THOC2: variants seen among roughly 807,000 people sequenced by gnomAD.
THOC2 encodes the protein THO complex subunit 2.
In THOC2, 10 loss-of-function variants were observed where a neutral mutation model predicts 128.4. That is an observed-to-expected ratio of 0.08 (90% CI 0.05 to 0.13). THOC2 has a LOEUF of 0.13. Ranked by LOEUF, THOC2 falls within the 10% of genes least tolerant of loss-of-function variation. The pLI is 1.00. For missense variants in THOC2, 535 were observed against 1,155.7 expected (o/e 0.46, Z 7.79); for synonymous variants, 393 against 396.9 (o/e 0.99, Z 0.12).
chrX:123,709,642 G>A lies in THOC2; in HGVS notation c.131-2693C>T, dbSNP rs753454972. On this transcript the variant is annotated intron_variant, in intron 2 of 38. Coordinates refer to ENST00000245838, the MANE Select transcript of THOC2 (RefSeq NM_001081550.2). Reference sequence around the variant, plus strand: ...TTCTAGAGATTCTTAGTTTTTGCGGGGTTTGAATGTTGAAGACACCAGTTC... The same window carrying A: ...TTCTAGAGATTCTTAGTTTTTGCGGAGTTTGAATGTTGAAGACACCAGTTC... 7.2e-5 allele frequency among the ~76,000 whole-genome samples: 8 copies of A among 111,335 alleles called. No individual in the cohort carries two copies. The South Asian group carries it at 2.3e-3, about 32-fold the overall frequency.
chrX:123,676,923 T>C (rs1442453328), intron 8 of THOC2, among the ~76,000 whole-genome samples: 1 of 111,667 alleles, frequency 9.0e-6, no homozygotes, highest in African/African-American at 3.3e-5. Flanking sequence ...AATGGGCCCT[T>C]AATGCTGCTG....
chrX:123,666,488 C>T (rs1056795073), intron 11 of THOC2, among the ~76,000 whole-genome samples: 1 of 111,483 alleles, frequency 9.0e-6, no homozygotes, highest in Admixed American at 9.5e-5. Flanking sequence ...CGGCAGCAAC[C>T]AGCAGCTACA....
chrX:123,684,450 C>T (rs960954812), intron 8 of THOC2, among the ~76,000 whole-genome samples: 1 of 111,891 alleles, frequency 8.9e-6, no homozygotes, highest in Admixed American at 9.5e-5. Flanking sequence ...GTGGCATGAT[C>T]TCGGCTCACA....
At chrX:123,628,530 C>T (rs1023124209) in intron 22 of THOC2, among the ~76,000 whole-genome samples, 3 of 109,782 alleles carry the variant, frequency 2.7e-5, no homozygotes, top group African/African-American at 9.9e-5. Context: ...ACCAGCCTGG[C>T]CAGCATGTCA....
intron 8 of THOC2, among the ~76,000 whole-genome samples, chrX:123,677,761 T>C (rs1170164289): frequency 9.2e-6 from 1 of 108,891 alleles, no homozygotes; most frequent in African/African-American, 3.4e-5. Context: ...TCCCAGCTAC[T>C]TGGGAGGCTG....
At chrX:123,701,670 T>C (rs974715172) in intron 4 of THOC2, among the ~76,000 whole-genome samples, 3 of 108,139 alleles carry the variant, frequency 2.8e-5, no homozygotes, top group Non-Finnish European at 5.7e-5. Flanking sequence ...AACTGAAATT[T>C]GTTTCATGAT....
Position 123,671,683 on chromosome X carries a change from C to A in THOC2, c.847G>T (p.Asp283Tyr). 8.7e-7 allele frequency: 1 copy of A among 1,152,152 alleles called. No homozygotes were observed. The highest frequency in any genetic ancestry group is 2.0e-5 in the South Asian group (1 of 49,231). 95.0% of individuals were successfully genotyped at this position (1,152,152 alleles called of 1,213,427 possible). Reference sequence around the variant, plus strand: ...ACTTGACTTACATGTACATAAAGATCATCTAAATCAATAAGATTAAATTGT... The same window carrying A: ...ACTTGACTTACATGTACATAAAGATAATCTAAATCAATAAGATTAAATTGT... Reference protein sequence around the residue: ...LLQFNLIDLDDLYVHLLPADN... With the variant: ...LLQFNLIDLDYLYVHLLPADN... Residue 283 changes from aspartate to tyrosine, a missense_variant, in exon 9 of 39, where the codon GAT becomes TAT. Transcript: ENST00000245838.
At chrX:123,684,668 G>T (rs1044185663) in intron 8 of THOC2, among the ~76,000 whole-genome samples, 1 of 112,198 alleles carries the variant, frequency 8.9e-6, no homozygotes, top group East Asian at 2.8e-4. Context: ...GATTACAGGC[G>T]TGAGCCACTG....
chrX:123,603,449 C>CA (rs760882151), intron 38 of THOC2: 1 of 416,977 alleles, frequency 2.4e-6, no homozygotes, highest in Admixed American at 4.1e-5. Context: ...AACTAAAACT[C>CA]AGTGAAATTT....
intron 4 of THOC2, among the ~76,000 whole-genome samples, chrX:123,700,949 G>T (rs1252844224): frequency 9.0e-6 from 1 of 111,229 alleles, no homozygotes; most frequent in East Asian, 2.8e-4. Context: ...CCTTGATCTG[G>T]GATCACACTT....
At chrX:123,712,104 A>T (rs2051218900) in intron 2 of THOC2, among the ~76,000 whole-genome samples, 1 of 109,909 alleles carries the variant, frequency 9.1e-6, no homozygotes, top group African/African-American at 3.3e-5. Context: ...AATAAATTTT[A>T]TCTAATGATT....
chrX:123,650,448 C>T (rs1211299750), intron 12 of THOC2, among the ~76,000 whole-genome samples: 1 of 112,068 alleles, frequency 8.9e-6, no homozygotes, highest in African/African-American at 3.2e-5. Flanking sequence ...ATCAAATTCA[C>T]ATATAACAAT....
At position 123,632,297 on chromosome X, in the gene THOC2, G is replaced by A. The variant is rs59870915; in HGVS notation, c.2317-445C>T. On this transcript the variant is annotated intron_variant, in intron 21 of 38. Transcript: ENST00000245838. ...AAAAAGAGAGACAGCAACCCAGCCT[G>A]GGCAACACGGCAGAGGCCCGACTCT... Among the ~76,000 whole-genome samples, 648 of 109,472 alleles carry A rather than the reference G, an allele frequency of 5.9e-3. 3 individuals are homozygous for A. Among genetic ancestry groups the A allele is most frequent in the African/African-American group, 0.02 (596 of 30,106 alleles).
chrX:123,649,936 A>G, intron 12 of THOC2, among the ~76,000 whole-genome samples: 1 of 111,576 alleles, frequency 9.0e-6, no homozygotes, highest in Non-Finnish European at 1.9e-5. Flanking sequence ...CCAACATTCA[A>G]AATTCAGGAA....
At chrX:123,651,728 C>G (rs779493136) in intron 12 of THOC2, among the ~76,000 whole-genome samples, 21 of 106,024 alleles carry the variant, frequency 2.0e-4, no homozygotes, top group African/African-American at 3.8e-4. Context: ...CACATACGCC[C>G]CCCCCCCAAG....
chrX:123,674,791 T>G (rs1466868086), intron 8 of THOC2, among the ~76,000 whole-genome samples: 1 of 111,222 alleles, frequency 9.0e-6, no homozygotes, highest in African/African-American at 3.3e-5. Context: ...TAATACCAAC[T>G]TCACTTCAAT....
chrX:123,654,703 G>T (rs1175674310), intron 12 of THOC2, among the ~76,000 whole-genome samples: 2 of 95,900 alleles, frequency 2.1e-5, no homozygotes, highest in African/African-American at 7.6e-5. Flanking sequence ...AGGTTATGGT[G>T]AGGTGAGATT....
At position 123,686,122 on chromosome X, in the gene THOC2, T is replaced by A. The variant is rs1051942381; in HGVS notation, c.768+426A>T. ...CATACCTTCCCAATTTCATTTCCTGTCCCTTCTTTTCCCATCTTACAACCC... is the reference window on the plus strand; with the variant it reads ...CATACCTTCCCAATTTCATTTCCTGACCCTTCTTTTCCCATCTTACAACCC... On this transcript the variant is annotated intron_variant, in intron 8 of 38. Transcript: ENST00000245838. Among the ~76,000 whole-genome samples, 25 of 112,125 alleles carry A rather than the reference T, an allele frequency of 2.2e-4. 1 individual carries two copies. The highest frequency in any genetic ancestry group is 4.6e-3 in the Middle Eastern group (1 of 217).
chrX:123,696,009 T>C lies in THOC2; in HGVS notation c.601+12A>G. The C allele has an allele frequency of 9.7e-7, 1 of 1,033,091 alleles. No homozygotes were observed. Among genetic ancestry groups the C allele is most frequent in the Non-Finnish European group, 1.4e-6 (1 of 739,408 alleles). The allele number at this position is 1,033,091 out of a possible 1,213,427, so 85.1% of individuals were successfully genotyped here. A position where few individuals can be genotyped will look rare whatever the true frequency, so the allele number is the denominator to read the frequency against. The stretch of plus-strand genomic sequence containing the variant: ...ATCTTAACAACACATACTATACAGA[T>C]AAATGTCTTACCTATTAAAGATTTG... On this transcript the variant is annotated intron_variant, in intron 7 of 38. Coordinates refer to ENST00000245838, the MANE Select transcript of THOC2 (RefSeq NM_001081550.2).
Sources: allele counts gnomAD v4.1 joint callset (sites outside exome capture counted in the v4.1 genomes callset), GRCh38; gene constraint gnomAD v4.1.1; transcripts MANE v1.5; gene names NCBI Gene and HGNC (gene_info 2026-07-23, HGNC 2026-07-21).